UBASH3B: variants seen among roughly 807,000 people sequenced by gnomAD.
The protein encoded by UBASH3B is ubiquitin-associated and SH3 domain-containing protein B.
In UBASH3B, 37 loss-of-function variants were observed where a neutral mutation model predicts 83.4. That is an observed-to-expected ratio of 0.44 (90% CI 0.34 to 0.58). UBASH3B has a LOEUF of 0.58. Among genes scored for constraint, UBASH3B ranks in the 20% least tolerant of loss-of-function variants. The pLI is 0.01. For synonymous variants in UBASH3B, 304 were observed against 318.3 expected, an observed-to-expected ratio of 0.96 and a Z score of 0.48; for missense variants, 657 against 827.2, an observed-to-expected ratio of 0.79 and a Z score of 2.52.
chr11:122,745,128 C>G (rs1861097257), intron 1 of UBASH3B, among the ~76,000 whole-genome samples: 2 of 152,144 alleles, frequency 1.3e-5, no homozygotes, highest in South Asian at 4.1e-4. Flanking sequence ...GCCTTCCATC[C>G]ACACTGAAAG....
rs73028070 is a variant in UBASH3B at position 122,811,127 on chromosome 11, G to A, written c.*1241G>A. ...ATTATACTTACTTCCTGCATTTAGA[G>A]GGAGTTTATTTAAAAGAAATAAATG... On this transcript the variant is annotated 3_prime_UTR_variant, in exon 14 of 14. Coordinates refer to ENST00000284273, the MANE Select transcript of UBASH3B (RefSeq NM_032873.5). The A allele has an allele frequency of 0.065, 9,973 of 152,694 alleles. 429 individuals carry two copies. The highest frequency in any genetic ancestry group is 0.14 in the Admixed American group (2,157 of 15,292). The allele number at this position is 152,694 out of a possible 1,614,324, so 9.5% of individuals were successfully genotyped here.
intron 1 of UBASH3B, among the ~76,000 whole-genome samples, chr11:122,658,178 GAAA>G (rs1254190970): frequency 9.0e-6 from 1 of 111,328 alleles, no homozygotes; most frequent in African/African-American, 3.4e-5. Flanking sequence ...TTCATCTCAA[GAAA>G]AAAAAAAAAA....
chr11:122,736,898 T>G (rs7106743), intron 1 of UBASH3B, among the ~76,000 whole-genome samples: 23,128 of 151,296 alleles, frequency 0.15, 2,808 homozygotes, highest in African/African-American at 0.34. Flanking sequence ...TGAAATGAAA[T>G]GGAATGAAAT....
chr11:122,667,822 C>G (rs944088920), intron 1 of UBASH3B, among the ~76,000 whole-genome samples: 3 of 152,116 alleles, frequency 2.0e-5, no homozygotes, highest in Non-Finnish European at 4.4e-5. Context: ...TTTCTTTACA[C>G]TTAAGTAAAA....
chr11:122,794,583 C>G, intron 6 of UBASH3B, 119 bp from the exon 7 acceptor site: 1 of 1,262,530 alleles, frequency 7.9e-7, no homozygotes. Flanking sequence ...CAGCATCCCC[C>G]ATCATTGTGC....
chr11:122,702,513 A>G (rs1864054043), intron 1 of UBASH3B, among the ~76,000 whole-genome samples: 2 of 151,752 alleles, frequency 1.3e-5, no homozygotes, highest in Non-Finnish European at 2.9e-5. Context: ...AAGCAGTAGG[A>G]AAAAAAATCA....
intron 12 of UBASH3B, among the ~76,000 whole-genome samples, chr11:122,807,351 G>A (rs567167788): frequency 2.0e-4 from 30 of 152,248 alleles, no homozygotes; most frequent in East Asian, 7.7e-4. Context: ...GAACTGTATC[G>A]TCACATATGC....
At position 122,708,439 on chromosome 11, in the gene UBASH3B, G is replaced by A. The variant is rs141689367; in HGVS notation, c.161+52229G>A. ...CCCGAGTAGCTGGGATTACAGGCATGTACCACCACACCCAGCTAATTTTTT... is the reference window on the plus strand; with the variant it reads ...CCCGAGTAGCTGGGATTACAGGCATATACCACCACACCCAGCTAATTTTTT... On this transcript the variant is annotated intron_variant, in intron 1 of 13. Coordinates refer to ENST00000284273, the MANE Select transcript of UBASH3B (RefSeq NM_032873.5). Among the ~76,000 whole-genome samples, 445 of 151,952 alleles carry A rather than the reference G, an allele frequency of 2.9e-3. 1 individual carries two copies. Among genetic ancestry groups the A allele is most frequent in the African/African-American group, 9.9e-3 (409 of 41,424 alleles).
At chr11:122,730,013 G>A (rs1163705589) in intron 1 of UBASH3B, among the ~76,000 whole-genome samples, 1 of 145,762 alleles carries the variant, frequency 6.9e-6, no homozygotes, top group Non-Finnish European at 1.5e-5. Context: ...AAGGCCAGGT[G>A]CAGTGGCTCA....
Position 122,771,388 on chromosome 11 carries a change from A to G in UBASH3B, c.162-4831A>G, listed in dbSNP as rs530397718. ...GCTGGGATTACAGGCACCCACCACC[A>G]CGCCACCACGCCCGGCTAATTTTTG... On this transcript the variant is annotated intron_variant, in intron 1 of 13. Coordinates refer to ENST00000284273, the MANE Select transcript of UBASH3B (RefSeq NM_032873.5). Among the ~76,000 whole-genome samples the G allele has an allele frequency of 5.3e-5, 8 of 151,706 alleles. No homozygotes were observed. In the East Asian group the frequency reaches 1.6e-3, roughly 29 times the overall value.
chr11:122,783,353 C>T, intron 5 of UBASH3B, 131 bp downstream of exon 5: 1 of 1,063,380 alleles, frequency 9.4e-7, no homozygotes, highest in East Asian at 2.6e-5. Flanking sequence ...AGTCCGTTGG[C>T]TCAGGATTGT....
rs1020247159 is a variant in UBASH3B, at chr11:122,785,607, G to A, written c.771+2385G>A. Among the ~76,000 whole-genome samples the A allele has an allele frequency of 2.6e-5, 4 of 152,168 alleles. No homozygotes were observed. The South Asian group carries it at 6.2e-4, about 24-fold the overall frequency. On this transcript the variant is annotated intron_variant, in intron 5 of 13. Transcript: ENST00000284273. ...GCCATGCCAGTTTAATATACCAACCGATAGAAATCCAGAGGAAGGACAGGG... is the reference window on the plus strand; with the variant it reads ...GCCATGCCAGTTTAATATACCAACCAATAGAAATCCAGAGGAAGGACAGGG...
Position 122,779,715 on chromosome 11 carries a change from G to C in UBASH3B, c.601+20G>C. On this transcript the variant is annotated intron_variant, in intron 4 of 13. Transcript: ENST00000284273. ...AAACCGGTGAGCAAACAGCTGCCAG[G>C]CCAGCCCTGGGCCCTGTCAATCAAA... The C allele has an allele frequency of 1.2e-6, 2 of 1,613,982 alleles. No homozygotes were observed. Among genetic ancestry groups the C allele is most frequent in the Non-Finnish European group, 1.7e-6 (2 of 1,179,936 alleles).
In UBASH3B at chr11:122,771,659, C is replaced by G. The variant is rs948561226; in HGVS notation, c.162-4560C>G. ...TTTTTACATAGAGCCTGTGGGCCAACAAAAATACCAACAGTTCTGTTTATT... is the reference window on the plus strand; with the variant it reads ...TTTTTACATAGAGCCTGTGGGCCAAGAAAAATACCAACAGTTCTGTTTATT... On this transcript the variant is annotated intron_variant, in intron 1 of 13. Transcript: ENST00000284273. Among the ~76,000 whole-genome samples the G allele has an allele frequency of 2.9e-4, 44 of 151,460 alleles. 1 individual carries two copies. Among genetic ancestry groups the G allele is most frequent in the African/African-American group, 1.1e-3 (44 of 41,416 alleles).
rs922291365 is a variant in UBASH3B, at chr11:122,810,079, G to A, written c.*193G>A. 2.5e-5 allele frequency: 16 copies of A among 630,290 alleles called. No homozygotes were observed. Among genetic ancestry groups the A allele is most frequent in the Non-Finnish European group, 3.6e-5 (14 of 387,282 alleles). 39.0% of individuals were successfully genotyped at this position (630,290 alleles called of 1,614,324 possible). ...GACTTGATTCAGAGGAAAAAAATGTGTTCTCTCTGGACTCTTGCCTAGCTC... is the reference window on the plus strand; with the variant it reads ...GACTTGATTCAGAGGAAAAAAATGTATTCTCTCTGGACTCTTGCCTAGCTC... On this transcript the variant is annotated 3_prime_UTR_variant, in exon 14 of 14. Coordinates refer to ENST00000284273, the MANE Select transcript of UBASH3B (RefSeq NM_032873.5).
chr11:122,753,214 C>A (rs938741129), intron 1 of UBASH3B, among the ~76,000 whole-genome samples: 2 of 151,414 alleles, frequency 1.3e-5, no homozygotes, highest in African/African-American at 2.4e-5. Context: ...GAGGCCGAGG[C>A]GGGCGGATCA....
intron 6 of UBASH3B, 105 bp downstream of exon 6, chr11:122,789,413 C>T: frequency 1.6e-6 from 2 of 1,238,000 alleles, no homozygotes; most frequent in Non-Finnish European, 2.3e-6. Flanking sequence ...GGAAGAAGGC[C>T]CTGTGGATTC....
intron 1 of UBASH3B, among the ~76,000 whole-genome samples, chr11:122,683,431 A>G (rs1475081814): frequency 2.0e-5 from 3 of 151,708 alleles, no homozygotes; most frequent in Non-Finnish European, 4.4e-5. Context: ...CCTGGCCCAC[A>G]TAGCAAAACC....
chr11:122,670,230 G>A (rs1448676490), intron 1 of UBASH3B, among the ~76,000 whole-genome samples: 3 of 152,158 alleles, frequency 2.0e-5, no homozygotes, highest in Non-Finnish European at 4.4e-5. Flanking sequence ...GCTCCCAACT[G>A]TGAGAAAATG....
Sources: allele counts gnomAD v4.1 joint callset (sites outside exome capture counted in the v4.1 genomes callset), GRCh38; gene constraint gnomAD v4.1.1; transcripts MANE v1.5; gene names NCBI Gene and HGNC (gene_info 2026-07-23, HGNC 2026-07-21).